WDR1: variants seen among roughly 807,000 people sequenced by gnomAD.
WDR1 encodes the protein WD repeat domain 1.
WDR1 carries 21 observed loss-of-function variants against 71.9 expected under a neutral mutation model. The observed-to-expected ratio is 0.29, with a 90% CI of 0.21 to 0.42. The LOEUF (loss-of-function observed/expected upper bound fraction) is 0.42. Among genes scored for constraint, WDR1 ranks in the 10% least tolerant of loss-of-function variants. The pLI is 1.00. For synonymous variants in WDR1, 424 were observed against 347.4 expected, an observed-to-expected ratio of 1.22 and a Z score of -2.45; for missense variants, 696 against 824.5, an observed-to-expected ratio of 0.84 and a Z score of 1.91.
At chr4:10,103,313 C>G (rs1004207056) in intron 3 of WDR1, among the ~76,000 whole-genome samples, 3 of 151,502 alleles carry the variant, frequency 2.0e-5, no homozygotes, top group African/African-American at 7.3e-5. Flanking sequence ...CACACACACA[C>G]ACACACACAC....
In WDR1 at chr4:10,088,700, A is replaced by G. The variant is rs752860724; in HGVS notation, c.600T>C (p.Asp200=). The change falls in exon 6 of 15, where the codon GAT becomes GAC. Residue 200 remains aspartate (D), a synonymous_variant. Coordinates refer to ENST00000499869, the MANE Select transcript of WDR1 (RefSeq NM_017491.5). The part of the protein sequence containing the change: ...RFVNCVRFSP[D]GNRFATASAD... Reference sequence around the variant, plus strand: ...CACTGGCTGTGGCAAATCTGTTCCCATCAGGAGAGAATCGCACACAGTTGA... The same window carrying G: ...CACTGGCTGTGGCAAATCTGTTCCCGTCAGGAGAGAATCGCACACAGTTGA... 1.9e-6 allele frequency: 3 copies of G among 1,607,956 alleles called. No homozygotes were observed. Among genetic ancestry groups the G allele is most frequent in the Non-Finnish European group, 2.5e-6 (3 of 1,177,218 alleles).
intron 4 of WDR1, 22 bp from the exon 5 acceptor site, chr4:10,097,913 G>T: frequency 1.5e-5 from 18 of 1,218,942 alleles, no homozygotes; most frequent in Non-Finnish European, 1.8e-5. Context: ...GACACAGGTG[G>T]AAGACAAAAA....
chr4:10,097,918 CAAAAA>C (rs748635612), intron 4 of WDR1, 27 bp from the exon 5 acceptor site: 234 of 1,212,116 alleles, frequency 1.9e-4, no homozygotes, highest in South Asian at 6.9e-4. Context: ...AGGTGGAAGA[CAAAAA>C]AAAAAAAAAA....
intron 14 of WDR1, 148 bp downstream of exon 14, chr4:10,077,156 A>T: frequency 8.7e-7 from 1 of 1,155,516 alleles, no homozygotes; most frequent in Non-Finnish European, 1.2e-6. Flanking sequence ...GCTGGATGGA[A>T]GGAGACCCAC....
At chr4:10,114,818 G>GC (rs1218616494) in intron 2 of WDR1, among the ~76,000 whole-genome samples, 1 of 152,106 alleles carries the variant, frequency 6.6e-6, no homozygotes, top group Non-Finnish European at 1.5e-5. Flanking sequence ...ATTCACACCC[G>GC]CCCACCCCCT....
Position 10,075,000 on chromosome 4 carries a change from C to T in WDR1, c.*378G>A, listed in dbSNP as rs567730155. ...TCTGCAGGCAGGAACATGAGCCCCCCGGCTCATTCACCTGTACAACCTCCC... is the reference window on the plus strand; with the variant it reads ...TCTGCAGGCAGGAACATGAGCCCCCTGGCTCATTCACCTGTACAACCTCCC... On this transcript the variant is annotated 3_prime_UTR_variant, in exon 15 of 15. Transcript: ENST00000499869. 20 of 304,084 alleles carry T rather than the reference C, an allele frequency of 6.6e-5. No homozygotes were observed. Among genetic ancestry groups the T allele is most frequent in the East Asian group, 2.9e-4 (5 of 17,354 alleles). 18.8% of individuals were successfully genotyped at this position (304,084 alleles called of 1,614,324 possible). A position where few individuals can be genotyped will look rare whatever the true frequency, so the allele number is the denominator to read the frequency against.
At chr4:10,081,930 T>C (rs1765031322) in intron 10 of WDR1, among the ~76,000 whole-genome samples, 1 of 152,230 alleles carries the variant, frequency 6.6e-6, no homozygotes, top group Non-Finnish European at 1.5e-5. Context: ...GAAAGACTCA[T>C]ACACACAAAC....
intron 5 of WDR1, among the ~76,000 whole-genome samples, chr4:10,091,312 T>C (rs1308705628): frequency 6.6e-6 from 1 of 152,240 alleles, no homozygotes; most frequent in Non-Finnish European, 1.5e-5. Context: ...CTAAGTTTTC[T>C]AGCACTTCTA....
At position 10,083,174 on chromosome 4, in the gene WDR1, G is replaced by A; in HGVS notation, c.1044C>T (p.Tyr348=). 2 of 1,613,348 alleles carry A rather than the reference G, an allele frequency of 1.2e-6. No homozygotes were observed. The highest frequency in any genetic ancestry group is 1.7e-6 in the Non-Finnish European group (2 of 1,179,660). The change falls in exon 10 of 15, where the codon TAC becomes TAT. Residue 348 remains tyrosine (Y), a synonymous_variant. Coordinates refer to ENST00000499869, the MANE Select transcript of WDR1 (RefSeq NM_017491.5). ...CGTTCTCCCCCGTCTCTGAATCCCA[G>A]TAATGTAGGGTGGGGTTAAGGAAAA... ...YSGSHDGHIN[Y]WDSETGENDS... is the part of the protein sequence containing the mutation.
At chr4:10,087,378 C>G (rs1463707976) in intron 8 of WDR1, among the ~76,000 whole-genome samples, 2 of 152,268 alleles carry the variant, frequency 1.3e-5, no homozygotes, top group African/African-American at 2.4e-5. Flanking sequence ...TGTGCACTCC[C>G]AATTCAGGGA....
At position 10,116,688 on chromosome 4, in the gene WDR1, C is replaced by T; in HGVS notation, c.-22G>A. ...GCATCCTCGCCCACTTGTTACCGCG[C>T]CGCGCTCGCCGAGAGCCTCCGGGGC... On this transcript the variant is annotated 5_prime_UTR_variant, in exon 1 of 15. Coordinates refer to ENST00000499869, the MANE Select transcript of WDR1 (RefSeq NM_017491.5). 7.4e-7 allele frequency: 1 copy of T among 1,350,152 alleles called. No homozygotes were observed. The allele number at this position is 1,350,152 out of a possible 1,614,324, so 83.6% of individuals were successfully genotyped here. A position where few individuals can be genotyped will look rare whatever the true frequency, so the allele number is the denominator to read the frequency against.
chr4:10,094,165 G>A (rs1362633286), intron 5 of WDR1, among the ~76,000 whole-genome samples: 4 of 152,214 alleles, frequency 2.6e-5, no homozygotes, highest in Non-Finnish European at 5.9e-5. Flanking sequence ...TCTCAGTTCT[G>A]CATCATAAGG....
Position 10,088,680 on chromosome 4 carries a change from G to A in WDR1, c.620C>T (p.Ala207Val). The A allele has an allele frequency of 6.2e-7, 1 of 1,606,838 alleles. No homozygotes were observed. Among genetic ancestry groups the A allele is most frequent in the Non-Finnish European group, 8.5e-7 (1 of 1,176,648 alleles). ...AGTTCTTACCTGGCCGTCAGCACTG[G>A]CTGTGGCAAATCTGTTCCCATCAGG... ...FSPDGNRFAT[A>V]SADGQIYIYD... The change falls in exon 6 of 15, where the codon GCC becomes GTC. Residue 207 changes from alanine to valine, a missense_variant. By Grantham distance (64) the Ala-to-Val change is moderately conservative. Transcript: ENST00000499869.
chr4:10,078,839 A>G, intron 12 of WDR1, 52 bp downstream of exon 12: 2 of 1,507,294 alleles, frequency 1.3e-6, no homozygotes, highest in South Asian at 1.2e-5. Context: ...ACTGTCCCCA[A>G]ATCACCCAGA....
At chr4:10,082,967 C>T in intron 10 of WDR1, 55 bp downstream of exon 10, 2 of 1,561,460 alleles carry the variant, frequency 1.3e-6, no homozygotes, top group Non-Finnish European at 8.7e-7. Context: ...GGGCACAAGC[C>T]CTCCGAGGGG....
chr4:10,084,607 A>G, intron 8 of WDR1, 77 bp from the exon 9 acceptor site: 1 of 1,422,156 alleles, frequency 7.0e-7, no homozygotes, highest in Non-Finnish European at 9.8e-7. Context: ...CCACCAACGA[A>G]GCTTCTGGGT....
intron 5 of WDR1, among the ~76,000 whole-genome samples, chr4:10,091,090 C>A (rs1182889085): frequency 6.6e-6 from 1 of 152,238 alleles, no homozygotes; most frequent in African/African-American, 2.4e-5. Context: ...CAAGGCAGTG[C>A]CAAACTACAA....
intron 2 of WDR1, among the ~76,000 whole-genome samples, chr4:10,115,141 GC>G (rs1713631694): frequency 6.6e-6 from 1 of 152,166 alleles, no homozygotes; most frequent in Non-Finnish European, 1.5e-5. Context: ...TGTGCCAGCC[GC>G]CCCCACTAAG....
rs767021907 is a variant in WDR1, at chr4:10,077,728, AGAG to A, written c.1569+22_1569+24del. The A allele has an allele frequency of 2.3e-5, 35 of 1,547,700 alleles. 1 individual carries two copies. Among genetic ancestry groups the A allele is most frequent in the Middle Eastern group, 3.5e-4 (2 of 5,740 alleles). Reference sequence around the variant, plus strand: ...CACCTGCACCGCCCAGCACGGGGACAGAGGAGGAGCCCGCCGCCACTCACCGAG... The same window carrying A: ...CACCTGCACCGCCCAGCACGGGGACAGAGGAGCCCGCCGCCACTCACCGAG... On this transcript the variant is annotated intron_variant, in intron 13 of 14. Coordinates refer to ENST00000499869, the MANE Select transcript of WDR1 (RefSeq NM_017491.5).
Sources: allele counts gnomAD v4.1 joint callset (sites outside exome capture counted in the v4.1 genomes callset), GRCh38; gene constraint gnomAD v4.1.1; transcripts MANE v1.5; gene names NCBI Gene and HGNC (gene_info 2026-07-23, HGNC 2026-07-21).